The following DNAH2 variants were observed in gnomAD, a reference collection of about 807,000 sequenced individuals.
DNAH2 encodes dynein axonemal heavy chain 2.
Under a neutral mutation model 523.5 loss-of-function variants are expected in DNAH2, and 323 were observed. The ratio of observed to expected loss-of-function variants is 0.62; its 90% CI spans 0.56 to 0.68. The LOEUF is 0.68. Ranked by LOEUF, DNAH2 falls within the 30% of genes least tolerant of loss-of-function variation. The pLI, the probability that DNAH2 is intolerant of heterozygous loss-of-function variation, is 0.00. For synonymous variants in DNAH2, 2,093 were observed against 2,177.4 expected (o/e 0.96, Z 1.08); for missense variants, 4,907 against 5,701.5 (o/e 0.86, Z 4.49).
At chr17:7,816,536 CTG>C (rs779985146) in intron 63 of DNAH2, 33 bp from the exon 64 acceptor site, 2 of 1,610,646 alleles carry the variant, frequency 1.2e-6, no homozygotes, top group East Asian at 2.2e-5. Context: ...GCTGCGAGCC[CTG>C]TGTTTGATGC....
chr17:7,825,629 G>A (rs914414892), intron 77 of DNAH2, among the ~76,000 whole-genome samples: 19 of 152,312 alleles, frequency 1.2e-4, no homozygotes, highest in Admixed American at 5.2e-4. Context: ...GACTAAGAGG[G>A]GAGGGCCAAA....
Position 7,818,690 on chromosome 17 carries a change from T to C in DNAH2, c.10584T>C (p.Pro3528=). Residue 3528 remains proline (P), a synonymous_variant, in exon 70 of 86, where the codon CCT becomes CCC. Coordinates refer to ENST00000572933, the MANE Select transcript of DNAH2 (RefSeq NM_020877.5). ...GCATTGTGGTGCGGAAGGAGCGGCC[T>C]GAGCTGGAGGAGCAGAAGGACTCAC... ...LLGIVVRKER[P]ELEEQKDSLV... 6.2e-7 allele frequency: 1 copy of C among 1,613,986 alleles called. No homozygotes were observed. Among genetic ancestry groups the C allele is most frequent in the Non-Finnish European group, 8.5e-7 (1 of 1,179,988 alleles).
At chr17:7,810,463 G>A (rs6503062) in intron 63 of DNAH2, among the ~76,000 whole-genome samples, 79,128 of 151,956 alleles carry the variant, frequency 0.52, 21,853 homozygotes, top group East Asian at 0.64. Context: ...ATCCCAGCTC[G>A]CTGTAACTTC....
Position 7,819,244 on chromosome 17 carries a change from G to A in DNAH2, c.10851G>A (p.Leu3617=), listed in dbSNP as rs367858085. Residue 3617 remains leucine, a synonymous_variant, in exon 72 of 86, where the codon CTG becomes CTA. Transcript: ENST00000572933. ...YRPCAQRASI[L]FFVLNDMGCI... ...CATGCGCCCAGCGGGCATCAATCCT[G>A]TTCTTCGTGCTCAATGATATGGGCT... 1.2e-6 allele frequency: 2 copies of A among 1,613,932 alleles called. No individual in the cohort carries two copies. The highest frequency in any genetic ancestry group is 1.7e-6 in the Non-Finnish European group (2 of 1,180,050).
Position 7,798,171 on chromosome 17 carries a change from C to A in DNAH2, c.8245C>A (p.Arg2749=). 26 of 1,601,820 alleles carry A rather than the reference C, an allele frequency of 1.6e-5. No individual in the cohort carries two copies. The highest frequency in any genetic ancestry group is 2.2e-5 in the Non-Finnish European group (26 of 1,170,730). ...CCCACCCCCAGTCACACGGATCGTGCGGGTCATTGGACAGCCTCGGGGCAA... is the reference window on the plus strand; with the variant it reads ...CCCACCCCCAGTCACACGGATCGTGAGGGTCATTGGACAGCCTCGGGGCAA... ...EAIEHITRIV[R]VIGQPRGNML... The change falls in exon 54 of 86, where the codon CGG becomes AGG. Residue 2749 remains arginine (R), a synonymous_variant. Coordinates refer to ENST00000572933, the MANE Select transcript of DNAH2 (RefSeq NM_020877.5). This position sits in a 1 kb window ranked among gnomAD's most constrained non-coding sequence, Gnocchi z 5.5.
intron 24 of DNAH2, 98 bp from the exon 25 acceptor site, chr17:7,770,154 G>A: frequency 7.0e-7 from 1 of 1,434,068 alleles, no homozygotes; most frequent in Non-Finnish European, 9.3e-7. Context: ...GTTGAATCAT[G>A]AATTGGTAAC....
intron 63 of DNAH2, among the ~76,000 whole-genome samples, chr17:7,814,178 T>C (rs984239350): frequency 1.7e-5 from 2 of 114,546 alleles, no homozygotes; most frequent in African/African-American, 7.7e-5. Flanking sequence ...ATATATTCAC[T>C]ATTCTCCAAA....
chr17:7,759,682 C>G (rs1033694244), intron 16 of DNAH2, 72 bp downstream of exon 16: 45 of 1,599,402 alleles, frequency 2.8e-5, no homozygotes, highest in Non-Finnish European at 3.8e-5. Context: ...AATTCCTAAA[C>G]TTGGTCCTTG....
chr17:7,742,123 A>G (rs2075371930), intron 11 of DNAH2, among the ~76,000 whole-genome samples: 1 of 152,048 alleles, frequency 6.6e-6, no homozygotes, highest in African/African-American at 2.4e-5. Flanking sequence ...AAACAACAGA[A>G]AAACATTGTT....
chr17:7,726,097 C>T (rs2074799778), intron 3 of DNAH2, among the ~76,000 whole-genome samples: 1 of 152,050 alleles, frequency 6.6e-6, no homozygotes, highest in South Asian at 2.1e-4. Flanking sequence ...CCTCTGCCTC[C>T]CGGGTTCAAG....
At chr17:7,814,844 C>T (rs1011118131) in intron 63 of DNAH2, among the ~76,000 whole-genome samples, 13 of 152,166 alleles carry the variant, frequency 8.5e-5, no homozygotes, top group South Asian at 2.1e-4. Context: ...AGCGAGACTC[C>T]GTCTCAAAAC....
At position 7,777,704 on chromosome 17, in the gene DNAH2, T is replaced by C. The variant is rs527703654; in HGVS notation, c.5247+70T>C. ...CCTAATGCTTTTATTGCATCCATGT[T>C]CTGTAAATGCAAGGATATCCTAAGC... On this transcript the variant is annotated intron_variant, in intron 33 of 85. Transcript: ENST00000572933. 3 of 1,573,732 alleles carry C rather than the reference T, an allele frequency of 1.9e-6. No homozygotes were observed. The South Asian group carries it at 3.5e-5, about 18-fold the overall frequency.
chr17:7,733,425 A>C, intron 5 of DNAH2, 110 bp downstream of exon 5: 1 of 988,172 alleles, frequency 1.0e-6, no homozygotes, highest in Non-Finnish European at 1.5e-6. Flanking sequence ...GGAAGTATTC[A>C]GCATGCTTAT....
At position 7,795,735 on chromosome 17, in the gene DNAH2, G is replaced by A. The variant is rs185831653; in HGVS notation, c.7675-729G>A. Among the ~76,000 whole-genome samples the A allele has an allele frequency of 3.5e-3, 519 of 146,402 alleles. 1 individual carries two copies. Among genetic ancestry groups the A allele is most frequent in the Middle Eastern group, 0.011 (3 of 276 alleles). ...GTTAAGGCTGGGCGCAGTAGCTCTC[G>A]CCTGTAATCCCAGCACTTTGGGAGG... On this transcript the variant is annotated intron_variant, in intron 49 of 85. Coordinates refer to ENST00000572933, the MANE Select transcript of DNAH2 (RefSeq NM_020877.5).
intron 44 of DNAH2, among the ~76,000 whole-genome samples, 189 bp from the exon 45 acceptor site, chr17:7,791,728 A>T (rs1229681505): frequency 6.6e-6 from 1 of 152,080 alleles, no homozygotes; most frequent in Non-Finnish European, 1.5e-5. Flanking sequence ...AGCTATAAGA[A>T]ATTTCAGGTT....
At position 7,818,413 on chromosome 17, in the gene DNAH2, G is replaced by T. The variant is rs2077747283; in HGVS notation, c.10489G>T (p.Glu3497Ter). The stretch of plus-strand genomic sequence containing the variant: ...GCTCTCCAACCCCCACTACAGCCCA[G>T]AGACCTCAGCCAAGACCACCATCGT... ...TKLSNPHYSPETSAKTTIVNF... is the reference protein window; with the variant it reads ...TKLSNPHYSP The change falls in exon 69 of 86, where the codon GAG (glutamate) becomes TAG (stop). Residue 3497 changes from glutamate (E) to a stop codon, truncating the protein, a stop_gained. Coordinates refer to ENST00000572933, the MANE Select transcript of DNAH2 (RefSeq NM_020877.5). LOFTEE classifies it high-confidence loss of function. The T allele has an allele frequency of 1.9e-6, 3 of 1,614,116 alleles. No homozygotes were observed. Among genetic ancestry groups the T allele is most frequent in the Non-Finnish European group, 2.5e-6 (3 of 1,180,052 alleles).
At chr17:7,778,568 A>G (rs2076520650) in intron 35 of DNAH2, 99 bp downstream of exon 35, 3 of 1,073,412 alleles carry the variant, frequency 2.8e-6, no homozygotes, top group Non-Finnish European at 3.9e-6. Flanking sequence ...TTGTAGCTTC[A>G]TGACATTGCA....
chr17:7,772,752 T>TTTTGTTTGTTTGTTTG (rs150502949), intron 28 of DNAH2, among the ~76,000 whole-genome samples: 1 of 150,944 alleles, frequency 6.6e-6, no homozygotes, highest in South Asian at 2.1e-4. Flanking sequence ...CACATTGGTT[T>TTTTGTTTGTTTGTTTG]TTTGTTTGTT....
In DNAH2 at chr17:7,815,217, T is replaced by C. The variant is rs117989116; in HGVS notation, c.9730-1354T>C. ...TTGCTGTGTGCCTTGCACCGTGCCATAGCCCACATCACCCTTACCTGCAGC... is the reference window on the plus strand; with the variant it reads ...TTGCTGTGTGCCTTGCACCGTGCCACAGCCCACATCACCCTTACCTGCAGC... On this transcript the variant is annotated intron_variant, in intron 63 of 85. Coordinates refer to ENST00000572933, the MANE Select transcript of DNAH2 (RefSeq NM_020877.5). Among the ~76,000 whole-genome samples the C allele has an allele frequency of 2.3e-4, 35 of 152,354 alleles. No homozygotes were observed. The East Asian group carries it at 6.8e-3, about 29-fold the overall frequency.
Sources: allele counts gnomAD v4.1 joint callset (sites outside exome capture counted in the v4.1 genomes callset), GRCh38; gene constraint gnomAD v4.1.1; non-coding constraint Gnocchi (gnomAD v3.1); transcripts MANE v1.5; gene names NCBI Gene and HGNC (gene_info 2026-07-23, HGNC 2026-07-21).